Variants in TSPAN5 observed in about 807,000 individuals in gnomAD.
The protein encoded by TSPAN5 is tetraspanin-5.
In TSPAN5, 10 loss-of-function variants were observed where a neutral mutation model predicts 37.1. The observed-to-expected ratio is 0.27, with a 90% CI of 0.17 to 0.46. TSPAN5 has a LOEUF of 0.46. TSPAN5 is among the 20% of genes least tolerant of loss of function. TSPAN5 has a pLI of 1.00. For synonymous variants in TSPAN5, 110 were observed against 118.9 expected (o/e 0.93, Z 0.48); for missense variants, 195 against 326.6 (o/e 0.60, Z 3.11).
intron 1 of TSPAN5, among the ~76,000 whole-genome samples, chr4:98,646,097 T>C (rs548124206): frequency 1.8e-4 from 28 of 151,358 alleles, no homozygotes; most frequent in Middle Eastern, 3.4e-3. Flanking sequence ...CAGGGGACAG[T>C]ACAGGTGGCA....
intron 1 of TSPAN5, among the ~76,000 whole-genome samples, chr4:98,587,655 T>C (rs535091368): frequency 1.3e-5 from 2 of 152,204 alleles, no homozygotes; most frequent in East Asian, 3.9e-4. Context: ...TTTAGGAGGC[T>C]GAGGCGGGCA....
intron 1 of TSPAN5, among the ~76,000 whole-genome samples, chr4:98,614,860 C>T (rs1031239823): frequency 6.6e-6 from 1 of 152,344 alleles, no homozygotes; most frequent in Non-Finnish European, 1.5e-5. Context: ...AGTAATAAAT[C>T]TGAGGCCCTT....
At chr4:98,646,624 GGT>G in intron 1 of TSPAN5, among the ~76,000 whole-genome samples, 1 of 152,258 alleles carries the variant, frequency 6.6e-6, no homozygotes, top group Middle Eastern at 3.4e-3. Flanking sequence ...GCGAATTCAT[GGT>G]CTGGTATCCA....
chr4:98,473,267 A>T (rs1752625200), intron 7 of TSPAN5, among the ~76,000 whole-genome samples: 1 of 152,186 alleles, frequency 6.6e-6, no homozygotes, highest in Non-Finnish European at 1.5e-5. Flanking sequence ...TTTCCCAAAG[A>T]GGTTGCAACA....
At chr4:98,621,985 G>A (rs1452429567) in intron 1 of TSPAN5, among the ~76,000 whole-genome samples, 2 of 152,028 alleles carry the variant, frequency 1.3e-5, no homozygotes, top group Non-Finnish European at 2.9e-5. Context: ...CCATTGTATG[G>A]GTATACCACA....
chr4:98,533,946 A>AAAAAACAAAAC (rs1553912212), intron 1 of TSPAN5, among the ~76,000 whole-genome samples: 41 of 140,256 alleles, frequency 2.9e-4, no homozygotes, highest in South Asian at 1.6e-3. Flanking sequence ...TCTTAAAAAA[A>AAAAAACAAAAC]AAAAAAAAAA....
At chr4:98,579,595 C>G (rs545448611) in intron 1 of TSPAN5, among the ~76,000 whole-genome samples, 1 of 152,162 alleles carries the variant, frequency 6.6e-6, no homozygotes, top group Non-Finnish European at 1.5e-5. Context: ...ATTTTTCCCA[C>G]TAAAATTGTA....
chr4:98,554,850 A>C (rs898628362), intron 1 of TSPAN5, among the ~76,000 whole-genome samples: 5 of 152,222 alleles, frequency 3.3e-5, no homozygotes, highest in African/African-American at 1.2e-4. Context: ...TATGTGCCAA[A>C]CAAGCTTTGA....
intron 1 of TSPAN5, among the ~76,000 whole-genome samples, chr4:98,563,879 T>C (rs1578995194): frequency 6.6e-6 from 1 of 152,118 alleles, no homozygotes; most frequent in Non-Finnish European, 1.5e-5. Flanking sequence ...TGGGTAGAGG[T>C]TGGGGAAGTC....
chr4:98,481,760 C>G (rs1752843204), intron 4 of TSPAN5, among the ~76,000 whole-genome samples: 2 of 152,322 alleles, frequency 1.3e-5, no homozygotes, highest in African/African-American at 2.4e-5. Flanking sequence ...TTTGCTCAAG[C>G]ATTTTCTTCT....
intron 1 of TSPAN5, among the ~76,000 whole-genome samples, chr4:98,550,845 C>T (rs9991086): frequency 0.098 from 14,882 of 152,132 alleles, 1,288 homozygotes; most frequent in African/African-American, 0.23. Flanking sequence ...TGACTTCCTC[C>T]TTTCCAATTT....
At chr4:98,560,499 G>A (rs1218227575) in intron 1 of TSPAN5, among the ~76,000 whole-genome samples, 2 of 152,186 alleles carry the variant, frequency 1.3e-5, no homozygotes, top group Non-Finnish European at 2.9e-5. Context: ...ATCTTCAATT[G>A]AGGGAGGCAG....
chr4:98,575,329 A>T (rs1214541676), intron 1 of TSPAN5, among the ~76,000 whole-genome samples: 1 of 151,668 alleles, frequency 6.6e-6, no homozygotes, highest in African/African-American at 2.4e-5. Flanking sequence ...AAAGTATTTG[A>T]GCACATAGTA....
chr4:98,514,983 G>A (rs777548998), intron 1 of TSPAN5, among the ~76,000 whole-genome samples: 13 of 152,180 alleles, frequency 8.5e-5, no homozygotes, highest in Non-Finnish European at 1.8e-4. Context: ...GACAGAGGAG[G>A]CACTGCAATA....
intron 1 of TSPAN5, among the ~76,000 whole-genome samples, chr4:98,539,540 A>G (rs1325661342): frequency 6.6e-6 from 1 of 152,178 alleles, no homozygotes; most frequent in Non-Finnish European, 1.5e-5. Context: ...TTACTGGGAC[A>G]TTCATGCCTC....
intron 2 of TSPAN5, among the ~76,000 whole-genome samples, chr4:98,492,548 C>T (rs529869523): frequency 6.6e-6 from 1 of 152,284 alleles, no homozygotes; most frequent in Non-Finnish European, 1.5e-5. Flanking sequence ...GTCCTCCATG[C>T]ACGTAAACGC....
chr4:98,550,081 G>T (rs1489478263), intron 1 of TSPAN5, among the ~76,000 whole-genome samples: 1 of 152,040 alleles, frequency 6.6e-6, no homozygotes, highest in African/African-American at 2.4e-5. Context: ...AAGAGGTATG[G>T]GTTCAGTTTC....
chr4:98,512,011 G>A (rs908665105), intron 1 of TSPAN5, among the ~76,000 whole-genome samples: 6 of 152,094 alleles, frequency 3.9e-5, no homozygotes, highest in African/African-American at 7.2e-5. Context: ...TCAAGAGATC[G>A]AGACCATCCT....
intron 1 of TSPAN5, among the ~76,000 whole-genome samples, chr4:98,616,583 A>G (rs1267989346): frequency 6.6e-6 from 1 of 152,214 alleles, no homozygotes; most frequent in East Asian, 1.9e-4. Context: ...CAAGGGGAGC[A>G]TAGCGCACAG....
Sources: gnomAD v4.1 joint callset for allele counts (sites outside exome capture counted in the v4.1 genomes callset) on GRCh38, gnomAD v4.1.1 for gene constraint, MANE v1.5 for transcripts, NCBI Gene and HGNC (gene_info 2026-07-23, HGNC 2026-07-21) for gene names.